The following PRKCE variants were observed in gnomAD, a reference collection of about 807,000 sequenced individuals.
The protein encoded by PRKCE is protein kinase C epsilon, also known as protein kinase C epsilon type.
PRKCE carries 16 observed loss-of-function variants against 85.4 expected under a neutral mutation model. The ratio of observed to expected loss-of-function variants is 0.19; its 90% CI spans 0.13 to 0.28. The LOEUF is 0.28. Among genes scored for constraint, PRKCE ranks in the 10% least tolerant of loss-of-function variants. The pLI, the probability that PRKCE is intolerant of heterozygous loss-of-function variation, is 1.00. For missense variants in PRKCE, 573 were observed against 975.2 expected (o/e 0.59, Z 5.49); for synonymous variants, 388 against 371.5 (o/e 1.04, Z -0.51).
At chr2:46,153,977 G>C (rs190037784) in intron 13 of PRKCE, among the ~76,000 whole-genome samples, 23 of 152,004 alleles carry the variant, frequency 1.5e-4, no homozygotes, top group African/African-American at 3.6e-4. Context: ...AGTAGAGGCA[G>C]GGTTTCACCG....
intron 14 of PRKCE, among the ~76,000 whole-genome samples, chr2:46,176,134 C>T (rs576822882): frequency 1.3e-5 from 2 of 152,150 alleles, no homozygotes; most frequent in East Asian, 3.9e-4. Context: ...CAATTTTCCC[C>T]AAAGAGAAAT....
chr2:45,897,382 G>A (rs535733476), intron 2 of PRKCE, among the ~76,000 whole-genome samples: 8 of 152,266 alleles, frequency 5.3e-5, no homozygotes, highest in South Asian at 2.1e-4. Flanking sequence ...GCATCATTGC[G>A]AACTTGGAAA....
chr2:45,725,473 C>G (rs1344194063), intron 1 of PRKCE, among the ~76,000 whole-genome samples: 1 of 152,132 alleles, frequency 6.6e-6, no homozygotes, highest in Non-Finnish European at 1.5e-5. Context: ...AAGGCTTTAG[C>G]TGCCATAGAT....
intron 1 of PRKCE, among the ~76,000 whole-genome samples, chr2:45,762,873 G>C (rs1342020710): frequency 6.6e-6 from 1 of 152,160 alleles, no homozygotes; most frequent in Non-Finnish European, 1.5e-5. Context: ...AGGCAGAGTG[G>C]TCAAAGAGCA....
intron 1 of PRKCE, among the ~76,000 whole-genome samples, chr2:45,742,277 T>C: frequency 6.6e-6 from 1 of 151,768 alleles, no homozygotes; most frequent in Non-Finnish European, 1.5e-5. Flanking sequence ...ACCACACAAC[T>C]GGATTAAAAC....
intron 1 of PRKCE, among the ~76,000 whole-genome samples, chr2:45,760,672 C>A (rs940133029): frequency 2.0e-5 from 3 of 152,100 alleles, no homozygotes; most frequent in Admixed American, 6.5e-5. Context: ...TTCTTGAAGA[C>A]GAGACTGAAG....
chr2:45,849,015 C>T lies in PRKCE; in HGVS notation c.412+5952C>T, dbSNP rs1011200024. Among the ~76,000 whole-genome samples the T allele has an allele frequency of 5.3e-5, 8 of 152,106 alleles. 1 individual carries two copies. Among genetic ancestry groups the T allele is most frequent in the Admixed American group, 2.6e-4 (4 of 15,270 alleles). On this transcript the variant is annotated intron_variant, in intron 2 of 14. Coordinates refer to ENST00000306156, the MANE Select transcript of PRKCE (RefSeq NM_005400.3). ...AAGACAGCTTTGAAGCTCTTATTTTCGGGGATGGCTGGATAGACAGGATAA... is the reference window on the plus strand; with the variant it reads ...AAGACAGCTTTGAAGCTCTTATTTTTGGGGATGGCTGGATAGACAGGATAA...
intron 10 of PRKCE, among the ~76,000 whole-genome samples, chr2:46,071,606 G>A (rs1408179883): frequency 6.6e-6 from 1 of 152,190 alleles, no homozygotes; most frequent in African/African-American, 2.4e-5. Context: ...GAAAGCTATA[G>A]GAAACTTTAA....
chr2:45,794,181 A>G (rs1687241205), intron 1 of PRKCE, among the ~76,000 whole-genome samples: 1 of 152,014 alleles, frequency 6.6e-6, no homozygotes, highest in Non-Finnish European at 1.5e-5. Context: ...TGATTTATGA[A>G]TTATGGCCCT....
intron 10 of PRKCE, among the ~76,000 whole-genome samples, chr2:46,017,675 A>G (rs1706284342): frequency 1.3e-5 from 2 of 152,230 alleles, no homozygotes; most frequent in African/African-American, 4.8e-5. Flanking sequence ...TCAACAGTGC[A>G]CCAGGGTTCT....
rs901225889 is a variant in PRKCE, at chr2:45,895,502, T to A, written c.412+52439T>A. Among the ~76,000 whole-genome samples the A allele has an allele frequency of 3.9e-5, 6 of 152,242 alleles. No homozygotes were observed. Among genetic ancestry groups the A allele is most frequent in the African/African-American group, 1.4e-4 (6 of 41,468 alleles). On this transcript the variant is annotated intron_variant, in intron 2 of 14. Transcript: ENST00000306156. The surrounding 1 kb of genome is among the most constrained non-coding windows in gnomAD (Gnocchi z 4.8). The stretch of plus-strand genomic sequence containing the variant: ...CAAGGCATGGCAGCCATGTGGTGAT[T>A]TAAAAAGGAATTAACTGTTAGGACA...
rs556500038 is a variant in PRKCE, at chr2:46,011,682, TGAG to T, written c.1437+1169_1437+1171del. 7.2e-5 allele frequency among the ~76,000 whole-genome samples: 11 copies of T among 152,332 alleles called. No individual in the cohort carries two copies. The South Asian group carries it at 2.3e-3, about 32-fold the overall frequency. On this transcript the variant is annotated intron_variant, in intron 10 of 14. Transcript: ENST00000306156. ...ACACACGTATGTTTATTAGCATCCT[TGAG>T]GAGACCTGCAATGAAAACAAAATTA...
Position 46,139,594 on chromosome 2 carries a change from A to G in PRKCE, c.1593-5499A>G, listed in dbSNP as rs576732192. 6.6e-6 allele frequency among the ~76,000 whole-genome samples: 1 copy of G among 152,116 alleles called. No homozygotes were observed. Among genetic ancestry groups the G allele is most frequent in the African/African-American group, 2.4e-5 (1 of 41,484 alleles). On this transcript the variant is annotated intron_variant, in intron 11 of 14. Coordinates refer to ENST00000306156, the MANE Select transcript of PRKCE (RefSeq NM_005400.3). The surrounding 1 kb of genome is among the most constrained non-coding windows in gnomAD (Gnocchi z 5.2). ...TTCCTAGGACTTAGTCCTTGTCTTT[A>G]TGGTTGTAGGTGGCTGCTACTACTT...
chr2:46,154,854 TG>T (rs1156307153), intron 13 of PRKCE, among the ~76,000 whole-genome samples: 17 of 152,034 alleles, frequency 1.1e-4, no homozygotes, highest in African/African-American at 3.9e-4. Context: ...TTATGTATTA[TG>T]TTTATTGTCT....
chr2:45,670,684 A>C (rs1341314297), intron 1 of PRKCE, among the ~76,000 whole-genome samples: 1 of 152,250 alleles, frequency 6.6e-6, no homozygotes, highest in African/African-American at 2.4e-5. Context: ...CAATAAACTT[A>C]CATTTTACTA....
At chr2:45,896,184 T>C (rs1336960008) in intron 2 of PRKCE, among the ~76,000 whole-genome samples, 1 of 152,220 alleles carries the variant, frequency 6.6e-6, no homozygotes, top group Admixed American at 6.5e-5. Flanking sequence ...CTGCCATGCC[T>C]AGAGTGGTCT....
chr2:45,826,550 A>C (rs1292849265), intron 1 of PRKCE, among the ~76,000 whole-genome samples: 1 of 152,230 alleles, frequency 6.6e-6, no homozygotes, highest in Non-Finnish European at 1.5e-5. Flanking sequence ...ATTGTGGGTC[A>C]GTGCCATCTA....
chr2:45,810,742 C>A (rs1193321050), intron 1 of PRKCE, among the ~76,000 whole-genome samples: 2 of 152,172 alleles, frequency 1.3e-5, no homozygotes, highest in African/African-American at 4.8e-5. Context: ...CACCATCATG[C>A]TTAGCTAATA....
chr2:46,098,326 C>A (rs757855667), intron 11 of PRKCE, among the ~76,000 whole-genome samples: 7 of 151,426 alleles, frequency 4.6e-5, no homozygotes, highest in Admixed American at 1.3e-4. Context: ...TTACTCCCCC[C>A]CCAACCCACA....
Sources: allele counts gnomAD v4.1 joint callset (sites outside exome capture counted in the v4.1 genomes callset), GRCh38; gene constraint gnomAD v4.1.1; non-coding constraint Gnocchi (gnomAD v3.1); transcripts MANE v1.5; gene names NCBI Gene and HGNC (gene_info 2026-07-23, HGNC 2026-07-21).